GPHN: variants seen among roughly 807,000 people sequenced by gnomAD.
GPHN encodes the protein gephyrin.
Under a neutral mutation model 95.5 loss-of-function variants are expected in GPHN, and 17 were observed. The ratio of observed to expected loss-of-function variants is 0.18; its 90% CI spans 0.12 to 0.27. GPHN has a LOEUF of 0.27. Among genes scored for constraint, GPHN ranks in the 10% least tolerant of loss-of-function variants. GPHN has a pLI of 1.00. For synonymous variants in GPHN, 320 were observed against 322.5 expected, an observed-to-expected ratio of 0.99 and a Z score of 0.08; for missense variants, 660 against 978.1, an observed-to-expected ratio of 0.67 and a Z score of 4.34.
At chr14:66,995,882 C>G (rs1454171483) in intron 9 of GPHN, among the ~76,000 whole-genome samples, 1 of 152,118 alleles carries the variant, frequency 6.6e-6, no homozygotes, top group East Asian at 1.9e-4. Context: ...AAAAATTGTC[C>G]AGCGTTCTGC....
At chr14:67,350,492 T>C in the GPHN span, 1 of 759,538 alleles carries the variant, frequency 1.3e-6, no homozygotes, top group Non-Finnish European at 2.1e-6. Flanking sequence ...TTCTTTCTTA[T>C]TATTACTATA....
chr14:67,566,770 G>A, the GPHN span, among the ~76,000 whole-genome samples: 1 of 151,618 alleles, frequency 6.6e-6, no homozygotes, highest in Non-Finnish European at 1.5e-5. Context: ...AAAAAAGAGT[G>A]GGTCTTCTCT....
the GPHN span, among the ~76,000 whole-genome samples, chr14:67,434,485 C>A: frequency 6.6e-6 from 1 of 152,156 alleles, no homozygotes; most frequent in African/African-American, 2.4e-5. Flanking sequence ...TAAAATGGGG[C>A]TGAAGGACTG....
the GPHN span, among the ~76,000 whole-genome samples, chr14:67,656,245 C>CA: frequency 0.14 from 18,181 of 126,814 alleles, 1,452 homozygotes; most frequent in South Asian, 0.35. Context: ...GACTCTATCT[C>CA]AAAAAAAAAA....
the GPHN span, among the ~76,000 whole-genome samples, chr14:67,688,065 G>A: frequency 6.6e-6 from 1 of 151,854 alleles, no homozygotes; most frequent in African/African-American, 2.4e-5. Context: ...GAGCCACCGC[G>A]CCCGGCCTCA....
chr14:67,165,888 G>T (rs191994168), intron 20 of GPHN, among the ~76,000 whole-genome samples: 1,834 of 152,228 alleles, frequency 0.012, 19 homozygotes, highest in Non-Finnish European at 0.018. Context: ...CAAATTTTTT[G>T]TGATTTGGGG....
the GPHN span, chr14:67,336,878 C>T: frequency 2.4e-6 from 1 of 422,950 alleles, no homozygotes; most frequent in South Asian, 1.7e-5. Flanking sequence ...TCCTAAATAT[C>T]AGCTTCTCCA....
chr14:67,619,889 T>G, the GPHN span: 8 of 841,852 alleles, frequency 9.5e-6, no homozygotes, highest in South Asian at 2.1e-5. Context: ...CTGGCGCGGG[T>G]AGGTAAGAGC....
the GPHN span, among the ~76,000 whole-genome samples, chr14:67,323,259 G>A: frequency 1.1e-4 from 14 of 125,174 alleles, no homozygotes; most frequent in African/African-American, 2.9e-4. Flanking sequence ...GTGTGTGTGT[G>A]TGTATATATA....
chr14:67,592,462 A>G, the GPHN span: 1 of 567,212 alleles, frequency 1.8e-6, no homozygotes, highest in African/African-American at 1.9e-5. Flanking sequence ...ATGTGCATGA[A>G]TATTTTTAAG....
chr14:67,102,944 A>G (rs2077801205), intron 13 of GPHN, among the ~76,000 whole-genome samples: 1 of 152,240 alleles, frequency 6.6e-6, no homozygotes, highest in Non-Finnish European at 1.5e-5. Context: ...ATACTGCACC[A>G]AGCTGGATTT....
At chr14:66,781,561 C>T (rs191767243) in intron 3 of GPHN, among the ~76,000 whole-genome samples, 3 of 152,176 alleles carry the variant, frequency 2.0e-5, no homozygotes, top group Non-Finnish European at 2.9e-5. Context: ...GCTTTTGTTC[C>T]GTTTTACCAA....
chr14:66,553,949 G>A (rs978930181), intron 1 of GPHN, among the ~76,000 whole-genome samples: 1 of 151,992 alleles, frequency 6.6e-6, no homozygotes, highest in Non-Finnish European at 1.5e-5. Flanking sequence ...TAATTTCTCA[G>A]TTAATCTAAA....
intron 1 of GPHN, among the ~76,000 whole-genome samples, chr14:66,547,994 A>T (rs377062757): frequency 6.6e-6 from 1 of 152,188 alleles, no homozygotes; most frequent in East Asian, 1.9e-4. Context: ...CATTTTTCAC[A>T]AATTGAAGGT....
chr14:67,045,322 T>C (rs1304057349), intron 10 of GPHN, among the ~76,000 whole-genome samples: 4 of 152,184 alleles, frequency 2.6e-5, no homozygotes, highest in Non-Finnish European at 1.5e-5. Context: ...TTGTTTCAGC[T>C]TTTTGCTATG....
At chr14:66,980,941 C>T (rs1252366950) in intron 9 of GPHN, among the ~76,000 whole-genome samples, 1 of 152,064 alleles carries the variant, frequency 6.6e-6, no homozygotes, top group Non-Finnish European at 1.5e-5. Flanking sequence ...CCCAGCTACT[C>T]GGGAGGCTGA....
the GPHN span, chr14:67,473,006 A>C: frequency 4.9e-6 from 1 of 202,966 alleles, no homozygotes. The surrounding 1 kb of genome is among the most constrained non-coding windows in gnomAD (Gnocchi z 6.5). Context: ...GCCTAATGGA[A>C]CCAGCCAAAG....
the GPHN span, among the ~76,000 whole-genome samples, chr14:67,667,965 C>CA: frequency 2.0e-5 from 3 of 151,436 alleles, no homozygotes; most frequent in Admixed American, 6.6e-5. Flanking sequence ...AACAAACAAA[C>CA]AAAAAAAATG....
chr14:66,573,720 G>T (rs1326967705), intron 1 of GPHN, among the ~76,000 whole-genome samples: 8 of 152,058 alleles, frequency 5.3e-5, no homozygotes, highest in African/African-American at 1.9e-4. Context: ...CTCCCAAAGT[G>T]CTGGGATTAC....
Sources: allele counts gnomAD v4.1 joint callset (sites outside exome capture counted in the v4.1 genomes callset), GRCh38; gene constraint gnomAD v4.1.1; non-coding constraint Gnocchi (gnomAD v3.1); transcripts MANE v1.5; gene names NCBI Gene and HGNC (gene_info 2026-07-23, HGNC 2026-07-21).